Variants in KCNMA1 observed in about 807,000 individuals in gnomAD.
KCNMA1 encodes potassium calcium-activated channel subfamily M alpha 1, also known as Calcium-activated potassium channel subunit alpha-1.
Under a neutral mutation model 140.0 loss-of-function variants are expected in KCNMA1, and 29 were observed. That is an observed-to-expected ratio of 0.21 (90% CI 0.15 to 0.28). KCNMA1 has a LOEUF of 0.28. Ranked by LOEUF, KCNMA1 falls within the 10% of genes least tolerant of loss-of-function variation. The probability of loss-of-function intolerance (pLI) is 1.00; values close to 1 mark genes in which losing one functional copy is unlikely to be tolerated. For synonymous variants in KCNMA1, 612 were observed against 611.9 expected (o/e 1.00, Z 0.00); for missense variants, 880 against 1,602.2 (o/e 0.55, Z 7.70).
At chr10:76,936,426 A>C (rs957556520) in intron 23 of KCNMA1, among the ~76,000 whole-genome samples, 4 of 152,220 alleles carry the variant, frequency 2.6e-5, no homozygotes, top group Non-Finnish European at 5.9e-5. Flanking sequence ...TAAACAGTTA[A>C]GTATAATTGT....
intron 20 of KCNMA1, among the ~76,000 whole-genome samples, chr10:76,967,962 C>T (rs890437344): frequency 2.0e-5 from 3 of 152,154 alleles, no homozygotes; most frequent in Non-Finnish European, 2.9e-5. Context: ...CACAGGCATG[C>T]TTTTCAAAAA....
intron 17 of KCNMA1, chr10:77,012,517 A>C (rs777706113): frequency 1.9e-6 from 3 of 1,550,278 alleles, no homozygotes; most frequent in Non-Finnish European, 2.6e-6. Context: ...CTCTGAAAGC[A>C]CCTTTTCTGG....
At chr10:77,345,995 C>A (rs555212472) in intron 2 of KCNMA1, among the ~76,000 whole-genome samples, 2 of 152,324 alleles carry the variant, frequency 1.3e-5, no homozygotes, top group East Asian at 1.9e-4. Context: ...ACTGACTGAC[C>A]TTGAATACAT....
chr10:77,013,761 A>G (rs905783937), intron 17 of KCNMA1, among the ~76,000 whole-genome samples: 3 of 152,232 alleles, frequency 2.0e-5, no homozygotes, highest in African/African-American at 7.2e-5. Flanking sequence ...TTTCTATTTT[A>G]CAGATAAGGA....
intron 1 of KCNMA1, among the ~76,000 whole-genome samples, chr10:77,607,079 A>C (rs868788880): frequency 1.3e-5 from 2 of 152,236 alleles, no homozygotes; most frequent in African/African-American, 4.8e-5. Flanking sequence ...ACTACTCACA[A>C]GGATTTATCA....
At chr10:77,431,198 T>A (rs1191394370) in intron 1 of KCNMA1, among the ~76,000 whole-genome samples, 1 of 152,198 alleles carries the variant, frequency 6.6e-6, no homozygotes, top group Non-Finnish European at 1.5e-5. Context: ...GTAGAAAACA[T>A]GCAGTGACTG....
chr10:77,152,616 GATCCAACACCT>G (rs1203320544), intron 5 of KCNMA1, among the ~76,000 whole-genome samples: 2 of 152,122 alleles, frequency 1.3e-5, no homozygotes, highest in African/African-American at 4.8e-5. Flanking sequence ...CTGGGGCATT[GATCCAACACCT>G]CCTGTTGGTC....
In KCNMA1 at chr10:76,990,325, T is replaced by C. The variant is rs117962228; in HGVS notation, c.2266+11082A>G. 2.8e-3 allele frequency among the ~76,000 whole-genome samples: 429 copies of C among 152,304 alleles called. 2 individuals carry two copies. The highest frequency in any genetic ancestry group is 3.1e-3 in the Non-Finnish European group (214 of 68,020). On this transcript the variant is annotated intron_variant, in intron 19 of 27. Transcript: ENST00000286628. ...AAAGTTTCCAGAAAATTCACAGATC[T>C]CACCCTTGTATCTGCCTGCTCTGAC...
At chr10:77,420,382 C>T (rs1409285800) in intron 1 of KCNMA1, among the ~76,000 whole-genome samples, 1 of 152,254 alleles carries the variant, frequency 6.6e-6, no homozygotes, top group Non-Finnish European at 1.5e-5. Flanking sequence ...CCAAATCCTA[C>T]ACATTGTTTA....
At chr10:77,355,338 T>C (rs2093379919) in intron 2 of KCNMA1, 1 of 153,326 alleles carries the variant, frequency 6.5e-6, no homozygotes, top group Non-Finnish European at 1.5e-5. Flanking sequence ...TCCATCAGTC[T>C]GCAAAATTCC....
At chr10:76,887,690 T>G (rs1017023651) in intron 27 of KCNMA1, 175 bp from the exon 28 acceptor site, 8 of 711,240 alleles carry the variant, frequency 1.1e-5, no homozygotes, top group Middle Eastern at 3.9e-4. Flanking sequence ...GGAAACTTCC[T>G]CTGTTTAACT....
chr10:76,990,055 T>C (rs553453533), intron 19 of KCNMA1, among the ~76,000 whole-genome samples: 7 of 152,334 alleles, frequency 4.6e-5, no homozygotes, highest in Admixed American at 2.0e-4. Context: ...CTCTGTGAGA[T>C]AGGTCCTTAT....
chr10:77,612,008 C>T (rs928368668), intron 1 of KCNMA1, among the ~76,000 whole-genome samples: 4 of 152,180 alleles, frequency 2.6e-5, no homozygotes, highest in African/African-American at 9.7e-5. Context: ...ACAGTGCAAG[C>T]TAAAGGAGTC....
At chr10:77,486,168 A>G (rs2098458161) in intron 1 of KCNMA1, among the ~76,000 whole-genome samples, 2 of 152,326 alleles carry the variant, frequency 1.3e-5, no homozygotes, top group South Asian at 4.1e-4. Context: ...TGCCGTGGCC[A>G]GGACAGACCT....
intron 2 of KCNMA1, among the ~76,000 whole-genome samples, chr10:77,354,236 G>A (rs1256569648): frequency 6.6e-6 from 1 of 152,300 alleles, no homozygotes; most frequent in African/African-American, 2.4e-5. Context: ...CTCGTGATCT[G>A]CCTGCCTCAG....
At chr10:77,246,255 T>C (rs1484178651) in intron 3 of KCNMA1, among the ~76,000 whole-genome samples, 1 of 152,248 alleles carries the variant, frequency 6.6e-6, no homozygotes, top group Non-Finnish European at 1.5e-5. Flanking sequence ...GCTTACTAGC[T>C]ACATAGCTTG....
intron 25 of KCNMA1, among the ~76,000 whole-genome samples, chr10:76,906,749 T>C (rs1270772753): frequency 6.6e-6 from 1 of 152,194 alleles, no homozygotes; most frequent in Non-Finnish European, 1.5e-5. Flanking sequence ...TTTTTGTTCC[T>C]TCTAGTTACT....
At chr10:77,236,068 G>A (rs753498222) in intron 3 of KCNMA1, among the ~76,000 whole-genome samples, 1 of 152,182 alleles carries the variant, frequency 6.6e-6, no homozygotes, top group Non-Finnish European at 1.5e-5. Context: ...AGGGGAGCAG[G>A]GGACTGAGGC....
In KCNMA1 at chr10:76,960,646, T is replaced by A. The variant is rs867673653; in HGVS notation, c.2361-6722A>T. Among the ~76,000 whole-genome samples the A allele has an allele frequency of 7.5e-3, 1,054 of 140,036 alleles. 8 individuals are homozygous for A. Among genetic ancestry groups the A allele is most frequent in the South Asian group, 0.013 (55 of 4,276 alleles). The allele number at this position is 140,036 out of a possible 152,430, so 91.9% of individuals were successfully genotyped here. A position where few individuals can be genotyped will look rare whatever the true frequency, so the allele number is the denominator to read the frequency against. On this transcript the variant is annotated intron_variant, in intron 20 of 27. Transcript: ENST00000286628. ...TTTTTTTTTTTTTTTTTTTTTTTTT[T>A]ACAAATTGAAGGTTTATTTTTCCAT... is the stretch of plus-strand genomic sequence containing the variant.
Sources: allele counts gnomAD v4.1 joint callset (sites outside exome capture counted in the v4.1 genomes callset), GRCh38; gene constraint gnomAD v4.1.1; transcripts MANE v1.5; gene names NCBI Gene and HGNC (gene_info 2026-07-23, HGNC 2026-07-21).